The following GRID2 variants were observed in gnomAD, a reference collection of about 807,000 sequenced individuals.
GRID2 encodes the protein glutamate receptor ionotropic, delta-2.
Under a neutral mutation model 114.8 loss-of-function variants are expected in GRID2, and 33 were observed. The ratio of observed to expected loss-of-function variants is 0.29; its 90% CI spans 0.22 to 0.38. The LOEUF (loss-of-function observed/expected upper bound fraction) is 0.38, where lower values mean the gene tolerates loss of function less well. GRID2 is among the 10% of genes least tolerant of loss of function. The probability of loss-of-function intolerance (pLI) is 1.00; values close to 1 mark genes in which losing one functional copy is unlikely to be tolerated. For synonymous variants in GRID2, 505 were observed against 449.9 expected (o/e 1.12, Z -1.55); for missense variants, 1,184 against 1,257.7 (o/e 0.94, Z 0.89).
intron 8 of GRID2, among the ~76,000 whole-genome samples, chr4:93,266,650 G>T (rs1014407687): frequency 6.6e-6 from 1 of 152,120 alleles, no homozygotes; most frequent in Non-Finnish European, 1.5e-5. Context: ...CTGACCTCAG[G>T]TGATCCACCC....
chr4:93,492,408 T>A (rs1190788413), intron 12 of GRID2, among the ~76,000 whole-genome samples: 4 of 151,824 alleles, frequency 2.6e-5, no homozygotes, highest in Non-Finnish European at 5.9e-5. Flanking sequence ...TTAAATCTGG[T>A]TCCTGAGCCT....
At chr4:92,652,344 A>T (rs906908345) in intron 2 of GRID2, among the ~76,000 whole-genome samples, 2 of 151,998 alleles carry the variant, frequency 1.3e-5, no homozygotes, top group African/African-American at 4.8e-5. Context: ...AGCCTAGTCA[A>T]GTTGACACAT....
intron 1 of GRID2, among the ~76,000 whole-genome samples, chr4:92,533,439 A>G (rs910954336): frequency 7.0e-6 from 1 of 142,102 alleles, no homozygotes; most frequent in African/African-American, 2.7e-5. Context: ...TGCTCAAAGT[A>G]CTAGGACACA....
Position 92,364,600 on chromosome 4 carries a change from A to T in GRID2, c.88+59856A>T, listed in dbSNP as rs544293741. Among the ~76,000 whole-genome samples the T allele has an allele frequency of 2.4e-4, 37 of 152,202 alleles. 1 individual carries two copies. In the South Asian group the frequency reaches 7.7e-3, roughly 32 times the overall value. On this transcript the variant is annotated intron_variant, in intron 1 of 15. Transcript: ENST00000282020. The stretch of plus-strand genomic sequence containing the variant: ...AGGAGAGGTCTAGTATAGACTTTAA[A>T]GGGTGAATCACTGTTGGCTATGTCT...
chr4:92,435,293 A>C (rs1280376328), intron 1 of GRID2, among the ~76,000 whole-genome samples: 7 of 152,192 alleles, frequency 4.6e-5, no homozygotes, highest in Non-Finnish European at 1.0e-4. Flanking sequence ...TTGTGATCGA[A>C]GGAGTTTATG....
intron 8 of GRID2, among the ~76,000 whole-genome samples, chr4:93,363,332 T>C (rs540728552): frequency 6.6e-6 from 1 of 152,302 alleles, no homozygotes; most frequent in Non-Finnish European, 1.5e-5. Flanking sequence ...GAGCCTGTCT[T>C]TCCTTACATT....
At chr4:93,058,518 G>A (rs184923810) in intron 2 of GRID2, among the ~76,000 whole-genome samples, 7 of 151,832 alleles carry the variant, frequency 4.6e-5, no homozygotes, top group African/African-American at 7.3e-5. Flanking sequence ...CAAAGAAATC[G>A]TGGCTTTTTT....
intron 13 of GRID2, among the ~76,000 whole-genome samples, chr4:93,517,112 A>G (rs917305252): frequency 3.9e-5 from 6 of 152,048 alleles, no homozygotes; most frequent in Non-Finnish European, 5.9e-5. Context: ...ATTCTACCTC[A>G]CACAGTTTTT....
At chr4:92,330,153 C>T (rs1560570775) in intron 1 of GRID2, among the ~76,000 whole-genome samples, 1 of 152,078 alleles carries the variant, frequency 6.6e-6, no homozygotes, top group South Asian at 2.1e-4. Flanking sequence ...TTGTGGGCCA[C>T]ATTGCACTAT....
intron 2 of GRID2, among the ~76,000 whole-genome samples, chr4:92,784,503 ATACTTTTACTCTTAAAGATTCTG>A (rs1739227845): frequency 6.6e-6 from 1 of 151,848 alleles, no homozygotes; most frequent in South Asian, 2.1e-4. Context: ...TCATGAGTAT[ATACTTTTACTCTTAAAGATTCTG>A]GTAAAATTAA....
chr4:93,670,172 A>G (rs1435478), intron 14 of GRID2, among the ~76,000 whole-genome samples: 88,414 of 151,988 alleles, frequency 0.58, 27,648 homozygotes, highest in African/African-American at 0.83. Context: ...ACAGTTTAGA[A>G]CAATTGTTTA....
At chr4:92,499,951 T>A (rs2149122065) in intron 1 of GRID2, among the ~76,000 whole-genome samples, 1 of 152,332 alleles carries the variant, frequency 6.6e-6, no homozygotes, top group South Asian at 2.1e-4. Flanking sequence ...TCTTTCTTAT[T>A]CCTGACAAAT....
At chr4:92,632,006 C>T (rs972374573) in intron 2 of GRID2, among the ~76,000 whole-genome samples, 2 of 152,098 alleles carry the variant, frequency 1.3e-5, no homozygotes, top group Non-Finnish European at 2.9e-5. Context: ...GAAAGGTTCT[C>T]AGTTTTTAAT....
chr4:92,453,317 T>C (rs1378769278), intron 1 of GRID2, among the ~76,000 whole-genome samples: 1 of 152,142 alleles, frequency 6.6e-6, no homozygotes, highest in Non-Finnish European at 1.5e-5. Flanking sequence ...CAGGGAGTCA[T>C]TGTGCCAAAG....
At chr4:93,749,034 T>A (rs1732087746) in intron 14 of GRID2, among the ~76,000 whole-genome samples, 1 of 151,562 alleles carries the variant, frequency 6.6e-6, no homozygotes, top group South Asian at 2.1e-4. Flanking sequence ...TCTTGATGAT[T>A]TTCTTCATTG....
intron 8 of GRID2, among the ~76,000 whole-genome samples, chr4:93,282,155 C>A (rs1350586244): frequency 1.3e-5 from 2 of 151,888 alleles, no homozygotes; most frequent in African/African-American, 4.8e-5. Flanking sequence ...TAGAGTAGGC[C>A]ACAAAGTTTA....
chr4:93,297,450 AAG>A (rs1754432411), intron 8 of GRID2, among the ~76,000 whole-genome samples: 1 of 152,196 alleles, frequency 6.6e-6, no homozygotes, highest in Non-Finnish European at 1.5e-5. Context: ...AGCAGCTTAA[AAG>A]AGAATATTTC....
At chr4:93,519,726 T>A (rs1277304386) in intron 13 of GRID2, among the ~76,000 whole-genome samples, 1 of 152,188 alleles carries the variant, frequency 6.6e-6, no homozygotes, top group East Asian at 1.9e-4. Context: ...TACTTCAGAC[T>A]ATGAAGTTCC....
At chr4:93,195,274 G>T (rs1741375865) in intron 4 of GRID2, among the ~76,000 whole-genome samples, 1 of 152,168 alleles carries the variant, frequency 6.6e-6, no homozygotes, top group Non-Finnish European at 1.5e-5. Context: ...AAGTGAGGAA[G>T]TGGTGAACAT....
Sources: gnomAD v4.1 joint callset for allele counts (sites outside exome capture counted in the v4.1 genomes callset) on GRCh38, gnomAD v4.1.1 for gene constraint, MANE v1.5 for transcripts, NCBI Gene and HGNC (gene_info 2026-07-23, HGNC 2026-07-21) for gene names.